Variants in APBB2 observed in about 807,000 individuals in gnomAD.
APBB2 encodes the protein amyloid beta precursor protein binding family B member 2, also known as Fe65-like 1.
In APBB2, 38 loss-of-function variants were observed where a neutral mutation model predicts 82.5. The observed-to-expected ratio is 0.46, with a 90% CI of 0.36 to 0.60. APBB2 has a LOEUF of 0.60. Among genes scored for constraint, APBB2 ranks in the 20% least tolerant of loss-of-function variants. The pLI, the probability that APBB2 is intolerant of heterozygous loss-of-function variation, is 0.00. For missense variants in APBB2, 772 were observed against 972.3 expected, an observed-to-expected ratio of 0.79 and a Z score of 2.74; for synonymous variants, 341 against 368.2, an observed-to-expected ratio of 0.93 and a Z score of 0.85.
Position 41,045,964 on chromosome 4 carries a change from G to GT in APBB2, c.-50-12661dup, listed in dbSNP as rs1210273153. Among the ~76,000 whole-genome samples, 13 of 151,582 alleles carry GT rather than the reference G, an allele frequency of 8.6e-5. No individual in the cohort carries two copies. The East Asian group carries it at 1.2e-3, about 14-fold the overall frequency. On this transcript the variant is annotated intron_variant, in intron 4 of 17. Transcript: ENST00000508593. ...GTTTTATAAGTTGCTATTTTTCTAA[G>GT]TTTTTTTTAATAATGAGCATGAAAC...
At chr4:40,919,968 C>G (rs1408059108) in intron 10 of APBB2, among the ~76,000 whole-genome samples, 1 of 152,180 alleles carries the variant, frequency 6.6e-6, no homozygotes, top group African/African-American at 2.4e-5. Flanking sequence ...TCCACTTGTA[C>G]CACGGCCCTG....
chr4:40,931,972 A>AT (rs1784324666), intron 10 of APBB2, among the ~76,000 whole-genome samples: 1 of 152,206 alleles, frequency 6.6e-6, no homozygotes, highest in Non-Finnish European at 1.5e-5. Context: ...GAACAGACTC[A>AT]TAACAGGCAT....
chr4:40,896,711 T>C (rs888288314), intron 10 of APBB2, among the ~76,000 whole-genome samples: 1 of 152,238 alleles, frequency 6.6e-6, no homozygotes, highest in African/African-American at 2.4e-5. Flanking sequence ...TTCTGGGGTA[T>C]CCCTGTCATT....
chr4:40,984,630 G>A (rs538371718), intron 6 of APBB2, among the ~76,000 whole-genome samples: 2 of 152,260 alleles, frequency 1.3e-5, no homozygotes, highest in South Asian at 4.2e-4. Context: ...AGCTATCTAG[G>A]CCCCTGGAAC....
At chr4:40,919,981 C>A (rs1208306978) in intron 10 of APBB2, among the ~76,000 whole-genome samples, 1 of 152,192 alleles carries the variant, frequency 6.6e-6, no homozygotes, top group Non-Finnish European at 1.5e-5. Context: ...CGGCCCTGCA[C>A]TGGGGACAAA....
chr4:41,152,324 T>G (rs1245089345), intron 1 of APBB2, among the ~76,000 whole-genome samples: 1 of 151,622 alleles, frequency 6.6e-6, no homozygotes, highest in Non-Finnish European at 1.5e-5. Context: ...TTTCTTTTCT[T>G]CTTTTTTTTT....
chr4:40,904,972 A>G (rs1307764442), intron 10 of APBB2, among the ~76,000 whole-genome samples: 2 of 152,180 alleles, frequency 1.3e-5, no homozygotes, highest in African/African-American at 2.4e-5. Context: ...AACACGATGC[A>G]TGGCCCTTTG....
At chr4:40,906,000 G>A (rs2154359645) in intron 10 of APBB2, among the ~76,000 whole-genome samples, 1 of 152,232 alleles carries the variant, frequency 6.6e-6, no homozygotes, top group Non-Finnish European at 1.5e-5. Context: ...TCCTGGAGGG[G>A]CCTGGATTTG....
At chr4:41,081,016 C>T (rs1737424563) in intron 3 of APBB2, among the ~76,000 whole-genome samples, 1 of 152,166 alleles carries the variant, frequency 6.6e-6, no homozygotes, top group African/African-American at 2.4e-5. Context: ...CCTGTAAATG[C>T]TACTTCAAAT....
chr4:40,828,151 T>C (rs1750590014), intron 13 of APBB2, among the ~76,000 whole-genome samples: 1 of 152,236 alleles, frequency 6.6e-6, no homozygotes, highest in African/African-American at 2.4e-5. Context: ...CTTGGGTATG[T>C]CTTTATTAGC....
At chr4:41,056,940 T>C (rs976200467) in intron 4 of APBB2, among the ~76,000 whole-genome samples, 3 of 152,198 alleles carry the variant, frequency 2.0e-5, no homozygotes, top group Non-Finnish European at 4.4e-5. Context: ...GTTGGATTTA[T>C]TGGTATTGAG....
intron 6 of APBB2, among the ~76,000 whole-genome samples, chr4:40,978,492 G>GA (rs1553891144): frequency 6.6e-6 from 1 of 151,230 alleles, no homozygotes; most frequent in Non-Finnish European, 1.5e-5. Context: ...TTTTACTCTA[G>GA]AAAAAAAGAG....
chr4:40,899,895 C>T (rs1774778506), intron 10 of APBB2, among the ~76,000 whole-genome samples: 1 of 152,174 alleles, frequency 6.6e-6, no homozygotes, highest in South Asian at 2.1e-4. Context: ...CCGTGGGATA[C>T]AGGCCTTGCC....
At chr4:40,959,358 G>C (rs543082791) in intron 6 of APBB2, among the ~76,000 whole-genome samples, 1 of 152,302 alleles carries the variant, frequency 6.6e-6, no homozygotes, top group South Asian at 2.1e-4. Context: ...AGGCAGGTTT[G>C]AAAATATATT....
chr4:40,935,838 T>A (rs1436680992), intron 7 of APBB2, among the ~76,000 whole-genome samples: 1 of 152,210 alleles, frequency 6.6e-6, no homozygotes, highest in Non-Finnish European at 1.5e-5. Flanking sequence ...GTAATTATAG[T>A]GCAAGGCATG....
intron 10 of APBB2, among the ~76,000 whole-genome samples, chr4:40,920,132 G>T (rs897661936): frequency 1.2e-4 from 19 of 152,146 alleles, no homozygotes; most frequent in Admixed American, 6.5e-5. Flanking sequence ...TCATGGGAGG[G>T]ACATGGTGGG....
At chr4:41,028,560 G>A (rs1342621935) in intron 5 of APBB2, among the ~76,000 whole-genome samples, 1 of 152,204 alleles carries the variant, frequency 6.6e-6, no homozygotes, top group Non-Finnish European at 1.5e-5. Context: ...GAGAGAAAAT[G>A]TGCAAGCCCT....
intron 5 of APBB2, among the ~76,000 whole-genome samples, chr4:41,025,847 G>A (rs1316488197): frequency 7.1e-6 from 1 of 140,508 alleles, no homozygotes; most frequent in Non-Finnish European, 1.5e-5. Flanking sequence ...TTGAAGCTGG[G>A]ATGGTGGGGG....
At chr4:40,939,631 GCT>G (rs1786323557) in intron 7 of APBB2, among the ~76,000 whole-genome samples, 1 of 151,810 alleles carries the variant, frequency 6.6e-6, no homozygotes, top group African/African-American at 2.4e-5. Context: ...ACAGGGCCTT[GCT>G]CTGTCACCAA....
Sources: gnomAD v4.1 joint callset for allele counts (sites outside exome capture counted in the v4.1 genomes callset) on GRCh38, gnomAD v4.1.1 for gene constraint, MANE v1.5 for transcripts, NCBI Gene and HGNC (gene_info 2026-07-23, HGNC 2026-07-21) for gene names.